Variants in RNF217 observed in about 807,000 individuals in gnomAD.
RNF217 encodes the protein E3 ubiquitin-protein ligase RNF217.
RNF217 carries 31 observed loss-of-function variants against 57.8 expected under a neutral mutation model. That is an observed-to-expected ratio of 0.54 (90% CI 0.40 to 0.72). RNF217 has a LOEUF of 0.72. RNF217 is among the 30% of genes least tolerant of loss of function. The pLI is 0.00. For synonymous variants in RNF217, 313 were observed against 294.0 expected, an observed-to-expected ratio of 1.06 and a Z score of -0.66; for missense variants, 696 against 708.3, an observed-to-expected ratio of 0.98 and a Z score of 0.20.
intron 1 of RNF217, among the ~76,000 whole-genome samples, chr6:124,989,834 A>G (rs928866463): frequency 2.0e-5 from 3 of 151,266 alleles, no homozygotes; most frequent in African/African-American, 7.3e-5. Context: ...CTTTCTTCTT[A>G]GCATACAAAC....
chr6:125,010,730 C>T (rs2114353022), intron 1 of RNF217, among the ~76,000 whole-genome samples: 1 of 152,268 alleles, frequency 6.6e-6, no homozygotes, highest in Middle Eastern at 3.4e-3. Context: ...TTTGTGCCTA[C>T]TACCCTATTA....
At chr6:125,040,108 A>G (rs990415976) in intron 1 of RNF217, among the ~76,000 whole-genome samples, 5 of 152,120 alleles carry the variant, frequency 3.3e-5, no homozygotes, top group African/African-American at 4.8e-5. Context: ...GAATTGAAGG[A>G]GATAGAGACA....
chr6:124,981,285 C>T (rs577851616), intron 1 of RNF217, among the ~76,000 whole-genome samples: 7 of 152,110 alleles, frequency 4.6e-5, no homozygotes, highest in Non-Finnish European at 7.4e-5. Context: ...CACAAAATAT[C>T]TGAGACGGGT....
intron 1 of RNF217, among the ~76,000 whole-genome samples, chr6:125,011,952 C>G (rs1187537825): frequency 6.6e-6 from 1 of 151,932 alleles, no homozygotes; most frequent in Non-Finnish European, 1.5e-5. Flanking sequence ...GGAGTCCCCA[C>G]CAGGAGGGGC....
intron 1 of RNF217, among the ~76,000 whole-genome samples, chr6:124,976,745 T>C: frequency 6.6e-6 from 1 of 152,188 alleles, no homozygotes; most frequent in Middle Eastern, 3.2e-3. Context: ...CCTCAAGTGA[T>C]CCACCTGCCT....
In RNF217 at chr6:125,023,881, A is replaced by T. The variant is rs374950502; in HGVS notation, c.883-21330A>T. On this transcript the variant is annotated intron_variant, in intron 1 of 5. Transcript: ENST00000521654. ...TATGGAATCTTAAAAAGTCAAACTC[A>T]TAGAAGCAGAAAGCAGAATGTTGGT... is the stretch of plus-strand genomic sequence containing the variant. 3.9e-5 allele frequency among the ~76,000 whole-genome samples: 6 copies of T among 152,294 alleles called. No homozygotes were observed. The East Asian group carries it at 9.7e-4, about 25-fold the overall frequency.
intron 1 of RNF217, among the ~76,000 whole-genome samples, chr6:124,999,761 C>A (rs936419348): frequency 6.6e-6 from 1 of 152,076 alleles, no homozygotes; most frequent in Non-Finnish European, 1.5e-5. Flanking sequence ...TTATCATGGA[C>A]CCCTGGTGTT....
At chr6:124,994,999 T>A (rs1370222272) in intron 1 of RNF217, among the ~76,000 whole-genome samples, 2 of 152,208 alleles carry the variant, frequency 1.3e-5, no homozygotes, top group African/African-American at 4.8e-5. Context: ...ATGTTACGTA[T>A]CCAAGTATTA....
intron 1 of RNF217, among the ~76,000 whole-genome samples, chr6:125,018,751 A>G (rs1457471871): frequency 6.6e-6 from 1 of 152,136 alleles, no homozygotes; most frequent in African/African-American, 2.4e-5. Context: ...AAGGAAGAGG[A>G]ATGCTACCCT....
intron 1 of RNF217, among the ~76,000 whole-genome samples, chr6:124,994,397 G>T (rs896947632): frequency 6.6e-6 from 1 of 152,100 alleles, no homozygotes; most frequent in Non-Finnish European, 1.5e-5. Flanking sequence ...CTTTTGAACG[G>T]AGACATAATT....
At chr6:124,984,554 A>T (rs200196122) in intron 1 of RNF217, among the ~76,000 whole-genome samples, 1 of 87,882 alleles carries the variant, frequency 1.1e-5, no homozygotes, top group Non-Finnish European at 2.8e-5. Context: ...AAAAAAAAAA[A>T]AAAAAAAGAA....
At chr6:125,073,119 T>C (rs1788213490) in intron 3 of RNF217, among the ~76,000 whole-genome samples, 1 of 152,132 alleles carries the variant, frequency 6.6e-6, no homozygotes, top group Admixed American at 6.6e-5. Flanking sequence ...TCAAACACAA[T>C]ATATAGTCAA....
intron 1 of RNF217, among the ~76,000 whole-genome samples, chr6:124,997,017 G>C (rs1041437002): frequency 7.9e-5 from 12 of 152,072 alleles, no homozygotes; most frequent in Non-Finnish European, 1.8e-4. Flanking sequence ...TAGCACTCCT[G>C]CAAGTTTAGG....
At chr6:125,036,538 A>G (rs1463433834) in intron 1 of RNF217, among the ~76,000 whole-genome samples, 1 of 152,178 alleles carries the variant, frequency 6.6e-6, no homozygotes, top group Non-Finnish European at 1.5e-5. Flanking sequence ...TAATTAAACT[A>G]AAGAGCTTCT....
intron 3 of RNF217, among the ~76,000 whole-genome samples, chr6:125,070,692 T>C (rs1243212363): frequency 6.6e-6 from 1 of 152,240 alleles, no homozygotes; most frequent in Non-Finnish European, 1.5e-5. Context: ...TTTATGGGAT[T>C]TGTTTGAGTT....
At chr6:125,030,777 C>T (rs1046329344) in intron 1 of RNF217, among the ~76,000 whole-genome samples, 1 of 152,088 alleles carries the variant, frequency 6.6e-6, no homozygotes, top group Non-Finnish European at 1.5e-5. Flanking sequence ...TGCAAGCTGT[C>T]GGTGGATGTA....
At chr6:125,049,828 TA>T (rs1562485821) in intron 2 of RNF217, among the ~76,000 whole-genome samples, 1 of 151,338 alleles carries the variant, frequency 6.6e-6, no homozygotes, top group Admixed American at 6.6e-5. Context: ...AAAGGAGGGG[TA>T]AAATTGACTA....
intron 1 of RNF217, among the ~76,000 whole-genome samples, chr6:125,032,803 A>T (rs776502315): frequency 1.3e-5 from 2 of 152,186 alleles, no homozygotes; most frequent in African/African-American, 4.8e-5. Flanking sequence ...TTCAGATAGT[A>T]AGGAGGGAAG....
intron 1 of RNF217, among the ~76,000 whole-genome samples, chr6:125,043,812 C>T (rs1161308154): frequency 1.3e-5 from 2 of 152,030 alleles, no homozygotes; most frequent in Non-Finnish European, 2.9e-5. Flanking sequence ...TTTTTAAATC[C>T]TCTCTGGGCC....
Sources: gnomAD v4.1 joint callset for allele counts (sites outside exome capture counted in the v4.1 genomes callset) on GRCh38, gnomAD v4.1.1 for gene constraint, MANE v1.5 for transcripts, NCBI Gene and HGNC (gene_info 2026-07-23, HGNC 2026-07-21) for gene names.